Variants in KLHL32 observed in about 807,000 individuals in gnomAD.
The protein encoded by KLHL32 is kelch like family member 32, also known as kelch-like protein 32.
KLHL32 carries 35 observed loss-of-function variants against 64.8 expected under a neutral mutation model. That is an observed-to-expected ratio of 0.54 (90% CI 0.41 to 0.72). The LOEUF is 0.72. Ranked by LOEUF, KLHL32 falls within the 30% of genes least tolerant of loss-of-function variation. KLHL32 has a pLI of 0.00. For synonymous variants in KLHL32, 259 were observed against 281.0 expected (o/e 0.92, Z 0.78); for missense variants, 589 against 768.5 (o/e 0.77, Z 2.76).
chr6:97,041,467 G>A (rs1785104963), intron 3 of KLHL32, 25 bp from the exon 4 acceptor site: 2 of 1,516,240 alleles, frequency 1.3e-6, no homozygotes, highest in African/African-American at 1.4e-5. Context: ...TCTCATAACT[G>A]TCTTTCTCCC....
chr6:96,903,778 A>G, the KLHL32 span, among the ~76,000 whole-genome samples: 1 of 152,254 alleles, frequency 6.6e-6, no homozygotes, highest in Non-Finnish European at 1.5e-5. Flanking sequence ...TACTAAAAAT[A>G]CATTTAGCTA....
At chr6:96,920,594 CCCT>C (rs1448496257), upstream of KLHL32, among the ~76,000 whole-genome samples, 2 of 151,968 alleles carry the variant, frequency 1.3e-5, no homozygotes, top group African/African-American at 2.4e-5. Context: ...ACACACATCT[CCCT>C]CCTTCTCTTC....
At chr6:97,092,757 C>T (rs1312263319) in intron 6 of KLHL32, among the ~76,000 whole-genome samples, 3 of 152,114 alleles carry the variant, frequency 2.0e-5, no homozygotes, top group African/African-American at 4.8e-5. Flanking sequence ...TAGCTTGACT[C>T]GTGGCTTTGC....
chr6:97,007,681 C>T (rs1046519442), intron 3 of KLHL32, among the ~76,000 whole-genome samples: 6 of 152,092 alleles, frequency 3.9e-5, no homozygotes, highest in African/African-American at 1.4e-4. Flanking sequence ...CTTTGATACC[C>T]TTGGGAGTTT....
chr6:97,006,570 T>C (rs1779692867), intron 3 of KLHL32, among the ~76,000 whole-genome samples: 1 of 152,218 alleles, frequency 6.6e-6, no homozygotes. Context: ...CTGGTTACTA[T>C]GCAGACTTGA....
At chr6:96,923,447 T>A (rs1768826425), upstream of KLHL32, among the ~76,000 whole-genome samples, 1 of 152,206 alleles carries the variant, frequency 6.6e-6, no homozygotes, top group South Asian at 2.1e-4. Flanking sequence ...CTTTCCCTTG[T>A]CCTATGCTGT....
chr6:97,065,592 A>G (rs563331573), intron 5 of KLHL32, among the ~76,000 whole-genome samples: 2 of 152,346 alleles, frequency 1.3e-5, no homozygotes, highest in Admixed American at 1.3e-4. Context: ...CTTCACTTGC[A>G]TTTATTATAG....
At chr6:97,003,453 A>T (rs1779287043) in intron 3 of KLHL32, among the ~76,000 whole-genome samples, 1 of 151,818 alleles carries the variant, frequency 6.6e-6, no homozygotes, top group Non-Finnish European at 1.5e-5. Flanking sequence ...GTGCCTGTTT[A>T]CTCTGTTGAT....
chr6:96,929,369 G>T (rs571910327), intron 1 of KLHL32, among the ~76,000 whole-genome samples: 1 of 152,294 alleles, frequency 6.6e-6, no homozygotes, highest in East Asian at 1.9e-4. Context: ...TAATAAGCAA[G>T]GGGCTTTTTG....
At chr6:96,973,985 G>C (rs9487633) in intron 2 of KLHL32, among the ~76,000 whole-genome samples, 2,060 of 152,114 alleles carry the variant, frequency 0.014, 55 homozygotes, top group African/African-American at 0.047. Context: ...GCCTGCCAAA[G>C]TACTGGGATT....
chr6:96,997,744 A>G (rs1778569654), intron 3 of KLHL32, among the ~76,000 whole-genome samples: 4 of 152,160 alleles, frequency 2.6e-5, no homozygotes. Context: ...TGCCAACAAC[A>G]ACAAAAAAAA....
chr6:97,022,577 C>A (rs1315093365), intron 3 of KLHL32, among the ~76,000 whole-genome samples: 1 of 149,242 alleles, frequency 6.7e-6, no homozygotes, highest in Non-Finnish European at 1.5e-5. Flanking sequence ...TCAAGCGATT[C>A]TCCTGCCTCA....
rs766898958 is a variant in KLHL32, at chr6:97,114,258, C to T, written c.1103C>T (p.Ala368Val). 4 of 1,614,112 alleles carry T rather than the reference C, an allele frequency of 2.5e-6. No individual in the cohort carries two copies. Among genetic ancestry groups the T allele is most frequent in the Non-Finnish European group, 2.5e-6 (3 of 1,180,026 alleles). ...GGCCGGACGTGTGCTGTGAGGACTG[C>T]CTGTCGCTATGACCCCCGCAGTAAT... The part of the protein sequence containing the change: ...ASGRTCAVRT[A>V]CRYDPRSNSW... The change falls in exon 7 of 11, where the codon GCC becomes GTC. Residue 368 changes from alanine (A) to valine (V), a missense_variant. By Grantham distance (64) the Ala-to-Val change is moderately conservative. Around this residue, in one of 3 missense-constraint regions of KLHL32, gnomAD observed 226 missense variants for 353.2 expected, o/e 0.64. Transcript: ENST00000369261.
chr6:96,946,252 A>G (rs1171472154), intron 1 of KLHL32, among the ~76,000 whole-genome samples: 3 of 152,150 alleles, frequency 2.0e-5, no homozygotes, highest in African/African-American at 7.2e-5. Context: ...GATATATAAT[A>G]TCTATTTTCA....
chr6:97,138,032 A>G (rs1394321978), intron 10 of KLHL32, among the ~76,000 whole-genome samples: 1 of 152,170 alleles, frequency 6.6e-6, no homozygotes, highest in Non-Finnish European at 1.5e-5. Context: ...CATTTTTTTA[A>G]AACACCAAAT....
the KLHL32 span, among the ~76,000 whole-genome samples, chr6:96,912,863 C>A: frequency 6.6e-6 from 1 of 152,190 alleles, no homozygotes; most frequent in African/African-American, 2.4e-5. Context: ...TCTGTCTGCT[C>A]CTCTCCCTAC....
chr6:97,122,140 C>T (rs1032562562), intron 7 of KLHL32, among the ~76,000 whole-genome samples: 1 of 152,216 alleles, frequency 6.6e-6, no homozygotes, highest in Non-Finnish European at 1.5e-5. Flanking sequence ...TAAAACAATA[C>T]ATAATGCATA....
intron 1 of KLHL32, among the ~76,000 whole-genome samples, chr6:96,941,226 G>A (rs1177057595): frequency 2.0e-5 from 3 of 152,168 alleles, no homozygotes; most frequent in Non-Finnish European, 4.4e-5. Flanking sequence ...GTTCAAGTCA[G>A]CACTACTTTA....
At chr6:97,078,591 G>T (rs540995938) in intron 5 of KLHL32, among the ~76,000 whole-genome samples, 1 of 152,274 alleles carries the variant, frequency 6.6e-6, no homozygotes, top group Non-Finnish European at 1.5e-5. Flanking sequence ...CTTGAGAGGA[G>T]TTTATTATCT....
Sources: gnomAD v4.1 joint callset for allele counts (sites outside exome capture counted in the v4.1 genomes callset) on GRCh38, gnomAD v4.1.1 for gene constraint, gnomAD v4.1.1 regional missense constraint, MANE v1.5 for transcripts, NCBI Gene and HGNC (gene_info 2026-07-23, HGNC 2026-07-21) for gene names.